ZNF202: variants seen among roughly 807,000 people sequenced by gnomAD.
ZNF202 encodes zinc finger protein with KRAB and SCAN domains 10.
Under a neutral mutation model 54.5 loss-of-function variants are expected in ZNF202, and 22 were observed. The ratio of observed to expected loss-of-function variants is 0.40; its 90% CI spans 0.29 to 0.58. The LOEUF (loss-of-function observed/expected upper bound fraction) is 0.58. ZNF202 is among the 20% of genes least tolerant of loss of function. The probability of loss-of-function intolerance (pLI) is 0.39; values close to 1 mark genes in which losing one functional copy is unlikely to be tolerated. For synonymous variants in ZNF202, 294 were observed against 301.4 expected, an observed-to-expected ratio of 0.98 and a Z score of 0.26; for missense variants, 644 against 805.5, an observed-to-expected ratio of 0.80 and a Z score of 2.43.
chr11:123,729,287 C>T (rs776184084), intron 5 of ZNF202, 73 bp from the exon 6 acceptor site: 10 of 1,457,352 alleles, frequency 6.9e-6, no homozygotes, highest in South Asian at 2.4e-5. Context: ...TGGGCATCCC[C>T]CACCATCTTT....
At chr11:123,732,851 C>T (rs1861469455) in intron 3 of ZNF202, among the ~76,000 whole-genome samples, 1 of 152,156 alleles carries the variant, frequency 6.6e-6, no homozygotes, top group Admixed American at 6.5e-5. Context: ...TGATTATTCA[C>T]CATATCCTGT....
In ZNF202 at chr11:123,726,471, G is replaced by T. The variant is rs372363287; in HGVS notation, c.1473C>A (p.Arg491=). The change falls in exon 9 of 9, where the codon CGC becomes CGA. Residue 491 remains arginine (R), a synonymous_variant. Coordinates refer to ENST00000530393, the MANE Select transcript of ZNF202 (RefSeq NM_003455.4). The surrounding 1 kb of genome is among the most constrained non-coding windows in gnomAD (Gnocchi z 6.0). ...GATGTCTGACAAGGTCTGAAGTCCA[G>T]CGGAAGTGCTTTCCGCAATCATCAC... ...YRCDDCGKHF[R]WTSDLVRHQR... 8 of 1,614,228 alleles carry T rather than the reference G, an allele frequency of 5.0e-6. No individual in the cohort carries two copies. Among genetic ancestry groups the T allele is most frequent in the Non-Finnish European group, 5.9e-6 (7 of 1,180,048 alleles).
intron 6 of ZNF202, 30 bp downstream of exon 6, chr11:123,729,096 C>A: frequency 6.2e-7 from 1 of 1,610,420 alleles, no homozygotes; most frequent in Non-Finnish European, 8.5e-7. Flanking sequence ...CAAACAAATT[C>A]TCTGTGGTAC....
rs1256007745 is a variant in ZNF202 at position 123,729,533 on chromosome 11, G to A, written c.613+82C>T. On this transcript the variant is annotated intron_variant, in intron 5 of 8. Coordinates refer to ENST00000530393, the MANE Select transcript of ZNF202 (RefSeq NM_003455.4). Reference sequence around the variant, plus strand: ...TACAGTCTATCTACCCAGCTTCCTTGGTATAGGAGAAATGTCCGAGAAATG... The same window carrying A: ...TACAGTCTATCTACCCAGCTTCCTTAGTATAGGAGAAATGTCCGAGAAATG... The A allele has an allele frequency of 2.7e-5, 38 of 1,386,116 alleles. 2 individuals carry two copies. The East Asian group carries it at 8.5e-4, about 31-fold the overall frequency. The allele number at this position is 1,386,116 out of a possible 1,614,324, so 85.9% of individuals were successfully genotyped here.
intron 3 of ZNF202, chr11:123,738,549 G>GCT (rs34115304): frequency 0.68 from 103,261 of 151,762 alleles, 35,335 homozygotes; most frequent in Middle Eastern, 0.82. Context: ...AAGAGTAACT[G>GCT]CTCTCATTTG....
Position 123,725,174 on chromosome 11 carries a change from T to C in ZNF202, c.*823A>G, listed in dbSNP as rs1232278158. 6.6e-6 allele frequency: 1 copy of C among 152,204 alleles called. No homozygotes were observed. Among genetic ancestry groups the C allele is most frequent in the Non-Finnish European group, 1.5e-5 (1 of 68,032 alleles). The allele number at this position is 152,204 out of a possible 1,614,324, so 9.4% of individuals were successfully genotyped here. A position where few individuals can be genotyped will look rare whatever the true frequency, so the allele number is the denominator to read the frequency against. On this transcript the variant is annotated 3_prime_UTR_variant, in exon 9 of 9. Coordinates refer to ENST00000530393, the MANE Select transcript of ZNF202 (RefSeq NM_003455.4). ...AGCACTCAAACACTACCATCTCACTTGTAGTAGAAGTGCTAGGGATGCAAC... is the reference window on the plus strand; with the variant it reads ...AGCACTCAAACACTACCATCTCACTCGTAGTAGAAGTGCTAGGGATGCAAC...
At chr11:123,738,092 A>G (rs1307966060) in intron 3 of ZNF202, among the ~76,000 whole-genome samples, 1 of 152,178 alleles carries the variant, frequency 6.6e-6, no homozygotes, top group Non-Finnish European at 1.5e-5. Flanking sequence ...ACTCACTGCA[A>G]TCTCTGCCTC....
Position 123,729,217 on chromosome 11 carries a change from A to T in ZNF202, c.614-3T>A, listed in dbSNP as rs757829221. 2 of 1,612,690 alleles carry T rather than the reference A, an allele frequency of 1.2e-6. No individual in the cohort carries two copies. The highest frequency in any genetic ancestry group is 1.1e-5 in the South Asian group (1 of 90,892). On this transcript the variant is annotated splice_polypyrimidine_tract_variant and splice_region_variant and intron_variant, in intron 5 of 8. Transcript: ENST00000530393. ...TGGGTCCTCGGGCACTGGGACCTCT[A>T]TGAAGAAAAGAAGGCAAAGATCAGT... is the stretch of plus-strand genomic sequence containing the variant.
rs912956673 is a variant in ZNF202, at chr11:123,730,181, C to T, written c.402+306G>A. On this transcript the variant is annotated intron_variant, in intron 4 of 8. Coordinates refer to ENST00000530393, the MANE Select transcript of ZNF202 (RefSeq NM_003455.4). The surrounding 1 kb of genome is among the most constrained non-coding windows in gnomAD (Gnocchi z 6.0). ...GTGACTGGGGATCTATGAGAACCTT[C>T]GAGGAAGTCACAAAATTCTCCTCTC... Among the ~76,000 whole-genome samples the T allele has an allele frequency of 3.3e-5, 5 of 152,088 alleles. No homozygotes were observed. The highest frequency in any genetic ancestry group is 1.9e-4 in the East Asian group (1 of 5,180).
Position 123,726,479 on chromosome 11 carries a change from G to A in ZNF202, c.1465C>T (p.His489Tyr). ...ACAAGGTCTGAAGTCCAGCGGAAGTGCTTTCCGCAATCATCACATCTATAG... is the reference window on the plus strand; with the variant it reads ...ACAAGGTCTGAAGTCCAGCGGAAGTACTTTCCGCAATCATCACATCTATAG... The part of the protein sequence containing the change: ...KPYRCDDCGK[H>Y]FRWTSDLVRH... Residue 489 changes from histidine to tyrosine, a missense_variant, in exon 9 of 9, where the codon CAC becomes TAC. By Grantham distance (83) the His-to-Tyr change is moderately conservative. This residue lies in a region of ZNF202 where 536 missense variants were observed against 635.3 expected (regional missense o/e 0.84). Coordinates refer to ENST00000530393, the MANE Select transcript of ZNF202 (RefSeq NM_003455.4). The surrounding 1 kb of genome is among the most constrained non-coding windows in gnomAD (Gnocchi z 6.0). The A allele has an allele frequency of 6.2e-7, 1 of 1,614,254 alleles. No homozygotes were observed. The highest frequency in any genetic ancestry group is 8.5e-7 in the Non-Finnish European group (1 of 1,180,050).
intron 3 of ZNF202, among the ~76,000 whole-genome samples, chr11:123,739,235 C>G (rs1437078344): frequency 2.6e-5 from 4 of 152,152 alleles, no homozygotes; most frequent in African/African-American, 4.8e-5. Flanking sequence ...AGCATTTATT[C>G]CAATCTCTTG....
chr11:123,726,262 G>A lies in ZNF202; in HGVS notation c.1682C>T (p.Ala561Val), dbSNP rs1404881510. Residue 561 changes from alanine (A) to valine (V), a missense_variant, in exon 9 of 9, where the codon GCT becomes GTT. By Grantham distance (64) the Ala-to-Val change is moderately conservative. Coordinates refer to ENST00000530393, the MANE Select transcript of ZNF202 (RefSeq NM_003455.4). The surrounding 1 kb of genome is among the most constrained non-coding windows in gnomAD (Gnocchi z 6.0). ...RYLAHRKTHA[A>V]EELYLCSECG... ...CTCGCTGCAGAGGTAGAGTTCCTCA[G>A]CAGCGTGCGTCTTCCGGTGCGCCAG... The A allele has an allele frequency of 1.2e-6, 2 of 1,614,096 alleles. No homozygotes were observed. The highest frequency in any genetic ancestry group is 8.5e-7 in the Non-Finnish European group (1 of 1,180,046).
chr11:123,739,116 TC>T (rs1275380981), intron 3 of ZNF202, among the ~76,000 whole-genome samples: 16 of 152,026 alleles, frequency 1.1e-4, no homozygotes, highest in African/African-American at 3.9e-4. Context: ...CTATTTCTCC[TC>T]CCCCAACTAG....
At chr11:123,728,354 C>T in intron 6 of ZNF202, 92 bp from the exon 7 acceptor site, 1 of 1,412,422 alleles carries the variant, frequency 7.1e-7, no homozygotes, top group Non-Finnish European at 9.3e-7. Flanking sequence ...GTGGACTCCT[C>T]TAGGAGATGA....
chr11:123,732,970 T>C lies in ZNF202; in HGVS notation c.-97-1985A>G, dbSNP rs148885419. 2.1e-3 allele frequency among the ~76,000 whole-genome samples: 314 copies of C among 152,068 alleles called. 2 individuals are homozygous for C. Among genetic ancestry groups the C allele is most frequent in the East Asian group, 5.8e-3 (30 of 5,166 alleles). ...CACTAGAAGGTATTCATAGGAACTT[T>C]AAAAAAAATTACAATATCCTCTGCT... On this transcript the variant is annotated intron_variant, in intron 3 of 8. Transcript: ENST00000530393.
At chr11:123,737,009 TGGTC>T (rs937594438) in intron 3 of ZNF202, among the ~76,000 whole-genome samples, 2 of 152,142 alleles carry the variant, frequency 1.3e-5, no homozygotes, top group African/African-American at 4.8e-5. Context: ...AGGAAAATCT[TGGTC>T]GGTCTATTGT....
chr11:123,731,512 A>G (rs1196821342), intron 3 of ZNF202, among the ~76,000 whole-genome samples: 1 of 152,228 alleles, frequency 6.6e-6, no homozygotes, highest in Non-Finnish European at 1.5e-5. Context: ...ATGTGTATCC[A>G]TGGTTGAGAA....
At chr11:123,728,976 T>A in intron 6 of ZNF202, 150 bp downstream of exon 6, 1 of 702,172 alleles carries the variant, frequency 1.4e-6, no homozygotes, top group Non-Finnish European at 2.4e-6. Flanking sequence ...ATTTATCTCA[T>A]TATCTCCTCC....
At chr11:123,734,129 C>T (rs1861533048) in intron 3 of ZNF202, among the ~76,000 whole-genome samples, 3 of 151,764 alleles carry the variant, frequency 2.0e-5, no homozygotes, top group Admixed American at 1.3e-4. Flanking sequence ...GAGACAGACA[C>T]ACAGGGAGAG....
Sources: allele counts gnomAD v4.1 joint callset (sites outside exome capture counted in the v4.1 genomes callset), GRCh38; gene constraint gnomAD v4.1.1; regional missense constraint gnomAD v4.1.1; non-coding constraint Gnocchi (gnomAD v3.1); transcripts MANE v1.5; gene names NCBI Gene and HGNC (gene_info 2026-07-23, HGNC 2026-07-21).